UBE2D2: variants seen among roughly 807,000 people sequenced by gnomAD.
UBE2D2 encodes ubiquitin conjugating enzyme E2 D2.
In UBE2D2, 2 loss-of-function variants were observed where a neutral mutation model predicts 24.2. The ratio of observed to expected loss-of-function variants is 0.08; its 90% CI spans 0.03 to 0.26. The LOEUF is 0.26. UBE2D2 is among the 10% of genes least tolerant of loss of function. The probability of loss-of-function intolerance (pLI) is 1.00; values close to 1 mark genes in which losing one functional copy is unlikely to be tolerated. For synonymous variants in UBE2D2, 58 were observed against 56.5 expected, an observed-to-expected ratio of 1.03 and a Z score of -0.12; for missense variants, 44 against 177.6, an observed-to-expected ratio of 0.25 and a Z score of 4.28.
chr5:139,566,635 G>A (rs1025483359), intron 1 of UBE2D2, among the ~76,000 whole-genome samples: 5 of 152,036 alleles, frequency 3.3e-5, no homozygotes, highest in African/African-American at 4.8e-5. Flanking sequence ...TGATCAAGCC[G>A]CTACACTCCA....
chr5:139,558,803 A>G (rs376846337), upstream of UBE2D2, among the ~76,000 whole-genome samples: 2 of 152,162 alleles, frequency 1.3e-5, no homozygotes, highest in East Asian at 1.9e-4. Flanking sequence ...CAACAAATAC[A>G]TATTGCTTTT....
intron 1 of UBE2D2, among the ~76,000 whole-genome samples, chr5:139,589,843 G>A (rs1450228392): frequency 6.6e-6 from 1 of 151,934 alleles, no homozygotes; most frequent in Admixed American, 6.6e-5. Context: ...GGAGTGCAGT[G>A]GCGCAATCTT....
chr5:139,530,502 C>T (rs1003062822), intron 1 of UBE2D2, among the ~76,000 whole-genome samples: 1 of 152,158 alleles, frequency 6.6e-6, no homozygotes, highest in Non-Finnish European at 1.5e-5. Context: ...ATGAGGATAT[C>T]GAACCCCTAT....
chr5:139,549,518 C>T (rs1183156453), intron 1 of UBE2D2, among the ~76,000 whole-genome samples: 3 of 152,358 alleles, frequency 2.0e-5, no homozygotes, highest in African/African-American at 4.8e-5. Context: ...CACTGGGTCC[C>T]CCAGCACTGC....
At chr5:139,598,769 C>T (rs1754009845) in intron 1 of UBE2D2, among the ~76,000 whole-genome samples, 1 of 151,446 alleles carries the variant, frequency 6.6e-6, no homozygotes, top group Admixed American at 6.6e-5. Flanking sequence ...GCTATGTTGG[C>T]CAGGCTGGTT....
At chr5:139,566,175 T>C (rs1032026094) in intron 1 of UBE2D2, among the ~76,000 whole-genome samples, 2 of 151,920 alleles carry the variant, frequency 1.3e-5, no homozygotes, top group African/African-American at 2.4e-5. Flanking sequence ...CTCACCACCA[T>C]GCCCAGCTAA....
intron 1 of UBE2D2, among the ~76,000 whole-genome samples, chr5:139,539,786 T>C (rs1278980687): frequency 1.3e-5 from 2 of 150,524 alleles, no homozygotes; most frequent in East Asian, 3.9e-4. Flanking sequence ...GATATCGTGT[T>C]GGGTTTCGCC....
chr5:139,625,097 G>T, intron 6 of UBE2D2, among the ~76,000 whole-genome samples: 1 of 145,006 alleles, frequency 6.9e-6, no homozygotes. Flanking sequence ...TTGTTCTTCA[G>T]CCCAGACTGG....
intron 2 of UBE2D2, among the ~76,000 whole-genome samples, chr5:139,603,975 G>C (rs536339200): frequency 1.3e-5 from 2 of 151,978 alleles, no homozygotes; most frequent in East Asian, 3.9e-4. Context: ...CTCTCCCAAA[G>C]CTAATCAGTA....
intron 1 of UBE2D2, among the ~76,000 whole-genome samples, chr5:139,578,464 G>T (rs1318576698): frequency 6.6e-6 from 1 of 151,726 alleles, no homozygotes; most frequent in African/African-American, 2.4e-5. Flanking sequence ...GTGTGTGTGT[G>T]TGTGTTTTGA....
At chr5:139,619,914 G>A (rs1274156251) in intron 5 of UBE2D2, among the ~76,000 whole-genome samples, 1 of 152,152 alleles carries the variant, frequency 6.6e-6, no homozygotes, top group Non-Finnish European at 1.5e-5. Flanking sequence ...TATACAGAAA[G>A]CATGGCAGCA....
intron 1 of UBE2D2, among the ~76,000 whole-genome samples, chr5:139,590,717 A>G (rs1753826777): frequency 2.0e-5 from 3 of 147,982 alleles, no homozygotes; most frequent in Non-Finnish European, 4.5e-5. Flanking sequence ...ATCCTAAGAT[A>G]GTATGGCGAT....
chr5:139,613,142 A>G (rs1410243118), intron 2 of UBE2D2, among the ~76,000 whole-genome samples: 1 of 152,192 alleles, frequency 6.6e-6, no homozygotes, highest in African/African-American at 2.4e-5. Flanking sequence ...ACCCCTAATC[A>G]ACAAGCTGCT....
At chr5:139,552,662 C>A (rs527484046) in intron 1 of UBE2D2, among the ~76,000 whole-genome samples, 1 of 145,414 alleles carries the variant, frequency 6.9e-6, no homozygotes, top group Non-Finnish European at 1.5e-5. Flanking sequence ...GCATGTGCCA[C>A]CACGCTTGGC....
At chr5:139,545,222 T>C (rs1752810375) in intron 1 of UBE2D2, among the ~76,000 whole-genome samples, 1 of 152,076 alleles carries the variant, frequency 6.6e-6, no homozygotes, top group African/African-American at 2.4e-5. Flanking sequence ...AATTGATGGA[T>C]AGATTGTCTT....
At chr5:139,548,200 A>AAAAAAAT in intron 1 of UBE2D2, among the ~76,000 whole-genome samples, 1 of 55,442 alleles carries the variant, frequency 1.8e-5, no homozygotes, top group East Asian at 2.9e-4. Context: ...AAAAAAATAA[A>AAAAAAAT]TAAATAAATA....
intron 1 of UBE2D2, among the ~76,000 whole-genome samples, chr5:139,573,788 G>A (rs1374609888): frequency 2.6e-5 from 4 of 151,856 alleles, no homozygotes; most frequent in Non-Finnish European, 4.4e-5. Flanking sequence ...GCTAACACGG[G>A]GAAACCCCAT....
chr5:139,567,042 A>C (rs556616593), intron 1 of UBE2D2, among the ~76,000 whole-genome samples: 2 of 152,202 alleles, frequency 1.3e-5, no homozygotes, highest in African/African-American at 4.8e-5. Flanking sequence ...AGTCATTTAA[A>C]CAATACTTTC....
chr5:139,622,446 T>C (rs1208172754), intron 5 of UBE2D2, among the ~76,000 whole-genome samples: 3 of 151,060 alleles, frequency 2.0e-5, no homozygotes, highest in Non-Finnish European at 4.4e-5. Flanking sequence ...GGTTTTACCA[T>C]GTTGGCCAGG....
Sources: allele counts gnomAD v4.1 joint callset (sites outside exome capture counted in the v4.1 genomes callset), GRCh38; gene constraint gnomAD v4.1.1; transcripts MANE v1.5; gene names NCBI Gene and HGNC (gene_info 2026-07-23, HGNC 2026-07-21).